Variants in CACNB4 observed in about 807,000 individuals in gnomAD.
The protein encoded by CACNB4 is calcium voltage-gated channel auxiliary subunit beta 4, also known as voltage-dependent L-type calcium channel subunit beta-4.
Under a neutral mutation model 71.2 loss-of-function variants are expected in CACNB4, and 32 were observed. The ratio of observed to expected loss-of-function variants is 0.45; its 90% CI spans 0.34 to 0.60. CACNB4 has a LOEUF of 0.60. CACNB4 is among the 20% of genes least tolerant of loss of function. The pLI, the probability that CACNB4 is intolerant of heterozygous loss-of-function variation, is 0.01. For synonymous variants in CACNB4, 231 were observed against 236.9 expected (o/e 0.97, Z 0.23); for missense variants, 464 against 647.9 (o/e 0.72, Z 3.08).
At chr2:152,015,728 A>G (rs901189973) in intron 2 of CACNB4, among the ~76,000 whole-genome samples, 1 of 152,246 alleles carries the variant, frequency 6.6e-6, no homozygotes, top group African/African-American at 2.4e-5. Flanking sequence ...AGCGAAGATG[A>G]CAGAGAGAGC....
At chr2:152,029,598 C>T (rs1472785316) in intron 2 of CACNB4, among the ~76,000 whole-genome samples, 1 of 152,004 alleles carries the variant, frequency 6.6e-6, no homozygotes, top group Non-Finnish European at 1.5e-5. Context: ...CAACCACCTG[C>T]AGATTAGGAA....
In CACNB4 at chr2:151,837,259, T is replaced by C. The variant is rs1376820148; in HGVS notation, c.*1860A>G. The C allele has an allele frequency of 6.6e-6, 1 of 152,028 alleles. No homozygotes were observed. The highest frequency in any genetic ancestry group is 6.6e-5 in the Admixed American group (1 of 15,252). The allele number at this position is 152,028 out of a possible 1,614,324, so 9.4% of individuals were successfully genotyped here. ...CCATATTTTTTAATTGTATCAAATA[T>C]TTGAAATGACTTACAGAATTATAGG... On this transcript the variant is annotated 3_prime_UTR_variant, in exon 14 of 14. Coordinates refer to ENST00000539935, the MANE Select transcript of CACNB4 (RefSeq NM_000726.5).
chr2:151,982,300 A>C (rs2099874853), intron 2 of CACNB4, among the ~76,000 whole-genome samples: 1 of 152,134 alleles, frequency 6.6e-6, no homozygotes, highest in Admixed American at 6.5e-5. Context: ...AATAGGAGTG[A>C]AAGTCATGTG....
intron 2 of CACNB4, among the ~76,000 whole-genome samples, chr2:152,004,722 C>T (rs1378001005): frequency 6.6e-6 from 1 of 152,206 alleles, no homozygotes; most frequent in Non-Finnish European, 1.5e-5. Flanking sequence ...AGGGCTCCCG[C>T]AGCACCACTT....
At chr2:151,893,621 A>G (rs2099851302) in intron 2 of CACNB4, among the ~76,000 whole-genome samples, 1 of 152,166 alleles carries the variant, frequency 6.6e-6, no homozygotes, top group South Asian at 2.1e-4. Flanking sequence ...ATATTTTAAA[A>G]GATATATATG....
At chr2:152,044,803 A>G (rs901870180) in intron 2 of CACNB4, among the ~76,000 whole-genome samples, 2 of 152,140 alleles carry the variant, frequency 1.3e-5, no homozygotes, top group Non-Finnish European at 2.9e-5. Flanking sequence ...GACTCACTCA[A>G]CTGCTACCGT....
intron 2 of CACNB4, among the ~76,000 whole-genome samples, chr2:151,924,684 G>T (rs1011075386): frequency 1.3e-5 from 2 of 152,108 alleles, no homozygotes; most frequent in African/African-American, 4.8e-5. Context: ...AATAAGAGAA[G>T]TTCTGGAATA....
intron 2 of CACNB4, among the ~76,000 whole-genome samples, chr2:152,027,172 A>G (rs1684026828): frequency 6.6e-6 from 1 of 152,086 alleles, no homozygotes; most frequent in African/African-American, 2.4e-5. Context: ...CAAAGTGTTG[A>G]GATTACAGGC....
intron 12 of CACNB4, among the ~76,000 whole-genome samples, chr2:151,845,641 G>A (rs1578432553): frequency 6.6e-6 from 1 of 152,232 alleles, no homozygotes; most frequent in East Asian, 1.9e-4. Flanking sequence ...GATGCAGAGA[G>A]CTCCTAATCA....
At chr2:151,905,433 C>A (rs375957583) in intron 2 of CACNB4, among the ~76,000 whole-genome samples, 1 of 152,162 alleles carries the variant, frequency 6.6e-6, no homozygotes, top group Non-Finnish European at 1.5e-5. Flanking sequence ...CAGAAGACAA[C>A]GATTCATAAA....
intron 2 of CACNB4, among the ~76,000 whole-genome samples, chr2:152,010,647 A>G (rs1189645531): frequency 6.6e-6 from 1 of 152,244 alleles, no homozygotes; most frequent in Non-Finnish European, 1.5e-5. Context: ...TTCGAAGAAC[A>G]GATAAACGGT....
Position 151,841,982 on chromosome 2 carries a change from G to A in CACNB4, c.1223C>T (p.Thr408Ile), listed in dbSNP as rs1020624134. 1 of 1,613,896 alleles carries A rather than the reference G, an allele frequency of 6.2e-7. No homozygotes were observed. The highest frequency in any genetic ancestry group is 8.5e-7 in the Non-Finnish European group (1 of 1,179,818). Residue 408 changes from threonine to isoleucine, a missense_variant, in exon 13 of 14, where the codon ACA becomes ATA. By Grantham distance (89) the Thr-to-Ile change is moderately conservative. This residue lies in a region of CACNB4 where 299 missense variants were observed against 471.7 expected (regional missense o/e 0.63). Coordinates refer to ENST00000539935, the MANE Select transcript of CACNB4 (RefSeq NM_000726.5). Reference sequence around the variant, plus strand: ...CCTTCCCAGCAGCGGGGTCATGGGTGTGCTACTGGTTGTGTGGGTGGCACG... The same window carrying A: ...CCTTCCCAGCAGCGGGGTCATGGGTATGCTACTGGTTGTGTGGGTGGCACG... ...YWRATHTTSSTPMTPLLGRNL... is the reference protein window; with the variant it reads ...YWRATHTTSSIPMTPLLGRNL...
chr2:151,874,660 G>T (rs2099845499), intron 5 of CACNB4, among the ~76,000 whole-genome samples: 1 of 152,136 alleles, frequency 6.6e-6, no homozygotes. Flanking sequence ...AAAGAACACA[G>T]GAGTTTTTTG....
At chr2:152,026,691 T>C (rs1683997954) in intron 2 of CACNB4, among the ~76,000 whole-genome samples, 1 of 152,070 alleles carries the variant, frequency 6.6e-6, no homozygotes, top group Non-Finnish European at 1.5e-5. Context: ...CCACTCCCTT[T>C]TACTGCTATA....
chr2:151,846,652 G>A (rs370548941), intron 12 of CACNB4, among the ~76,000 whole-genome samples: 2 of 151,940 alleles, frequency 1.3e-5, no homozygotes, highest in Non-Finnish European at 2.9e-5. Flanking sequence ...TCTGGGGCTC[G>A]GGTGATTGTC....
At chr2:151,982,194 A>G (rs1560107730) in intron 2 of CACNB4, among the ~76,000 whole-genome samples, 1 of 152,140 alleles carries the variant, frequency 6.6e-6, no homozygotes, top group Non-Finnish European at 1.5e-5. Context: ...TCCACCTTCA[A>G]TTTTAGCAAG....
intron 2 of CACNB4, among the ~76,000 whole-genome samples, chr2:152,064,269 C>T (rs771980624): frequency 1.1e-4 from 17 of 152,230 alleles, no homozygotes; most frequent in Non-Finnish European, 2.2e-4. Flanking sequence ...AAGGCAAAAA[C>T]ATTTGCTGGA....
Position 151,838,764 on chromosome 2 carries a change from T to C in CACNB4, c.*355A>G, listed in dbSNP as rs1418710315. 6.2e-6 allele frequency: 1 copy of C among 160,310 alleles called. No homozygotes were observed. Among genetic ancestry groups the C allele is most frequent in the Non-Finnish European group, 1.4e-5 (1 of 73,426 alleles). 9.9% of individuals were successfully genotyped at this position (160,310 alleles called of 1,614,324 possible). A position where few individuals can be genotyped will look rare whatever the true frequency, so the allele number is the denominator to read the frequency against. On this transcript the variant is annotated 3_prime_UTR_variant, in exon 14 of 14. Coordinates refer to ENST00000539935, the MANE Select transcript of CACNB4 (RefSeq NM_000726.5). ...ATTCCAACAGGAATTGGTTTATAAA[T>C]TGGTTCCAACTGGAACTGGTCATTT...
intron 2 of CACNB4, among the ~76,000 whole-genome samples, chr2:151,903,236 G>A (rs187025780): frequency 2.8e-4 from 42 of 152,146 alleles, no homozygotes; most frequent in African/African-American, 9.4e-4. Context: ...CTTTGAGGCC[G>A]GGCATGGTGG....
Sources: allele counts gnomAD v4.1 joint callset (sites outside exome capture counted in the v4.1 genomes callset), GRCh38; gene constraint gnomAD v4.1.1; regional missense constraint gnomAD v4.1.1; transcripts MANE v1.5; gene names NCBI Gene and HGNC (gene_info 2026-07-23, HGNC 2026-07-21).